PGAP1: variants seen among roughly 807,000 people sequenced by gnomAD.
PGAP1 encodes the protein GPI inositol-deacylase.
PGAP1 carries 76 observed loss-of-function variants against 127.0 expected under a neutral mutation model. The ratio of observed to expected loss-of-function variants is 0.60; its 90% CI spans 0.50 to 0.72. The LOEUF (loss-of-function observed/expected upper bound fraction) is 0.72. PGAP1 is among the 30% of genes least tolerant of loss of function. The probability of loss-of-function intolerance (pLI) is 0.00; values close to 1 mark genes in which losing one functional copy is unlikely to be tolerated. For missense variants in PGAP1, 982 were observed against 1,071.3 expected, an observed-to-expected ratio of 0.92 and a Z score of 1.16; for synonymous variants, 362 against 366.5, an observed-to-expected ratio of 0.99 and a Z score of 0.14.
At chr2:196,916,785 T>C (rs1032711290) in intron 2 of PGAP1, among the ~76,000 whole-genome samples, 192 bp from the exon 3 acceptor site, 1 of 152,194 alleles carries the variant, frequency 6.6e-6, no homozygotes, top group Non-Finnish European at 1.5e-5. Context: ...ATGCAGTAAG[T>C]GTGTCATAAA....
rs1230212454 is a variant in PGAP1, at chr2:196,847,111, A to G, written c.2042T>C (p.Leu681Pro). 1.2e-6 allele frequency: 2 copies of G among 1,613,116 alleles called. No individual in the cohort carries two copies. Among genetic ancestry groups the G allele is most frequent in the Non-Finnish European group, 1.7e-6 (2 of 1,179,384 alleles). The part of the protein sequence containing the change: ...ILTCQSMCFP[L>P]ISLILFLFGT... ...AAACAGAAAGAGAATCAAGGATATCAGGGGGAAACACATACTCTGACAAGT... is the reference window on the plus strand; with the variant it reads ...AAACAGAAAGAGAATCAAGGATATCGGGGGGAAACACATACTCTGACAAGT... Residue 681 changes from leucine to proline, a missense_variant, in exon 22 of 27, where the codon CTG (leucine) becomes CCG (proline). Leu to Pro is a moderately conservative substitution (Grantham distance 98). Transcript: ENST00000354764.
chr2:196,840,320 A>G lies in PGAP1; in HGVS notation c.*914T>C, dbSNP rs575220306. 12 of 152,264 alleles carry G rather than the reference A, an allele frequency of 7.9e-5. No individual in the cohort carries two copies. Among genetic ancestry groups the G allele is most frequent in the African/African-American group, 2.6e-4 (11 of 41,550 alleles). 9.4% of individuals were successfully genotyped at this position (152,264 alleles called of 1,614,324 possible). On this transcript the variant is annotated 3_prime_UTR_variant, in exon 27 of 27. Coordinates refer to ENST00000354764, the MANE Select transcript of PGAP1 (RefSeq NM_024989.4). ...TTGTTGTTGTTTTTTCCCACAGCAG[A>G]AAAAATGGTACAAACCTAGAGTTTC...
chr2:196,916,358 CCT>C, intron 3 of PGAP1, 58 bp downstream of exon 3: 3 of 1,397,322 alleles, frequency 2.1e-6, no homozygotes, highest in Non-Finnish European at 2.8e-6. Flanking sequence ...ATACTGAATC[CCT>C]TTTTTAAAAA....
chr2:196,865,136 C>A, intron 19 of PGAP1, 56 bp from the exon 20 acceptor site: 1 of 969,306 alleles, frequency 1.0e-6, no homozygotes, highest in South Asian at 1.7e-5. Flanking sequence ...AATAAGTGTA[C>A]TTTCACATAA....
chr2:196,894,364 G>T (rs1429133079), intron 7 of PGAP1, among the ~76,000 whole-genome samples: 1 of 152,158 alleles, frequency 6.6e-6, no homozygotes, highest in Non-Finnish European at 1.5e-5. Context: ...TCTAGATACG[G>T]TGTCAGTAGA....
intron 2 of PGAP1, among the ~76,000 whole-genome samples, chr2:196,917,519 C>T (rs1007248323): frequency 1.3e-5 from 2 of 152,136 alleles, no homozygotes; most frequent in Admixed American, 1.3e-4. Flanking sequence ...TTCACTCCTC[C>T]CAAATCCTAG....
chr2:196,915,667 A>G (rs1315333129), intron 3 of PGAP1, among the ~76,000 whole-genome samples: 1 of 152,162 alleles, frequency 6.6e-6, no homozygotes, highest in Non-Finnish European at 1.5e-5. Context: ...ACAATTTCTC[A>G]TCACTTCAAC....
At position 196,902,510 on chromosome 2, in the gene PGAP1, A is replaced by G. The variant is rs576467079; in HGVS notation, c.807+75T>C. On this transcript the variant is annotated intron_variant, in intron 5 of 26. Coordinates refer to ENST00000354764, the MANE Select transcript of PGAP1 (RefSeq NM_024989.4). ...ACTCAGCAGTCATTACCATGCAGCT[A>G]TATATTATTTCTTCTTTCATGCTCC... 8 of 1,271,266 alleles carry G rather than the reference A, an allele frequency of 6.3e-6. No individual in the cohort carries two copies. The Admixed American group carries it at 1.3e-4, about 21-fold the overall frequency. 78.7% of individuals were successfully genotyped at this position (1,271,266 alleles called of 1,614,324 possible). A position where few individuals can be genotyped will look rare whatever the true frequency, so the allele number is the denominator to read the frequency against.
chr2:196,926,097 G>A (rs942559882), intron 1 of PGAP1, among the ~76,000 whole-genome samples: 14 of 152,122 alleles, frequency 9.2e-5, no homozygotes, highest in Admixed American at 2.6e-4. Flanking sequence ...TGGAGCTTCG[G>A]TTTAGGGAGA....
chr2:196,918,677 T>C (rs1313078999), intron 2 of PGAP1, among the ~76,000 whole-genome samples: 1 of 152,170 alleles, frequency 6.6e-6, no homozygotes, highest in Non-Finnish European at 1.5e-5. Context: ...GAAATTACTC[T>C]CTTAACATTA....
At chr2:196,885,331 C>T in intron 12 of PGAP1, 93 bp downstream of exon 12, 1 of 793,840 alleles carries the variant, frequency 1.3e-6, no homozygotes, top group Admixed American at 2.5e-5. Flanking sequence ...TATTTAATAC[C>T]AAGATAAGCT....
At chr2:196,917,629 C>CATG (rs137866135) in intron 2 of PGAP1, among the ~76,000 whole-genome samples, 1,543 of 152,266 alleles carry the variant, frequency 0.01, 23 homozygotes, top group African/African-American at 0.035. Flanking sequence ...TTTCACATAG[C>CATG]ATGTTTTCAA....
rs763003979 is a variant in PGAP1, at chr2:196,890,939, T to C, written c.1090-28A>G. The C allele has an allele frequency of 1.2e-5, 14 of 1,141,918 alleles. No individual in the cohort carries two copies. In the East Asian group the frequency reaches 1.4e-4, roughly 11 times the overall value. The allele number at this position is 1,141,918 out of a possible 1,614,324, so 70.7% of individuals were successfully genotyped here. A position where few individuals can be genotyped will look rare whatever the true frequency, so the allele number is the denominator to read the frequency against. Reference sequence around the variant, plus strand: ...ACAAAAAGAAGGAAAACACTCAATATAGCTGTAATGAGCAGATTAGTTTCA... The same window carrying C: ...ACAAAAAGAAGGAAAACACTCAATACAGCTGTAATGAGCAGATTAGTTTCA... On this transcript the variant is annotated intron_variant, in intron 9 of 26. Transcript: ENST00000354764.
intron 4 of PGAP1, among the ~76,000 whole-genome samples, chr2:196,902,949 A>C (rs1246086646): frequency 2.0e-5 from 3 of 152,204 alleles, no homozygotes; most frequent in African/African-American, 7.2e-5. Context: ...AAGTATAAAT[A>C]CTAAGAGTTA....
intron 6 of PGAP1, among the ~76,000 whole-genome samples, chr2:196,897,462 T>C (rs1191095878): frequency 6.6e-6 from 1 of 152,234 alleles, no homozygotes; most frequent in Non-Finnish European, 1.5e-5. Flanking sequence ...AGCCTAGCCA[T>C]AGATGTACTA....
intron 13 of PGAP1, among the ~76,000 whole-genome samples, chr2:196,879,107 G>A (rs1192767787): frequency 6.6e-6 from 1 of 151,816 alleles, no homozygotes; most frequent in Non-Finnish European, 1.5e-5. Context: ...ATGTTGACCG[G>A]GCTGCAGTAC....
chr2:196,872,945 C>T lies in PGAP1; in HGVS notation c.1619+15G>A. On this transcript the variant is annotated intron_variant, in intron 17 of 26. Transcript: ENST00000354764. ...AAAACACCAAAGTTTAAAGTAAATT[C>T]TTTCAAATACTTACTGTGCAATGGT... 1.1e-6 allele frequency: 1 copy of T among 880,974 alleles called. No individual in the cohort carries two copies. The highest frequency in any genetic ancestry group is 1.8e-6 in the Non-Finnish European group (1 of 553,174). 54.6% of individuals were successfully genotyped at this position (880,974 alleles called of 1,614,324 possible).
At chr2:196,893,273 T>A in intron 7 of PGAP1, 28 bp from the exon 8 acceptor site, 1 of 1,198,922 alleles carries the variant, frequency 8.3e-7, no homozygotes, top group East Asian at 2.4e-5. Flanking sequence ...ACATTCTGTA[T>A]CATTTTGTAT....
In PGAP1 at chr2:196,845,781, C is replaced by G. The variant is rs532275449; in HGVS notation, c.2286+101G>C. ...CCCGTTATGTAACAGAGGGTTACTA[C>G]AGTGTTTATGAGAATTTTTGTTAAC... On this transcript the variant is annotated intron_variant, in intron 23 of 26. Coordinates refer to ENST00000354764, the MANE Select transcript of PGAP1 (RefSeq NM_024989.4). 3.7e-4 allele frequency: 340 copies of G among 913,812 alleles called. No homozygotes were observed. The African/African-American group carries it at 5.4e-3, about 15-fold the overall frequency. The allele number at this position is 913,812 out of a possible 1,614,324, so 56.6% of individuals were successfully genotyped here. A position where few individuals can be genotyped will look rare whatever the true frequency, so the allele number is the denominator to read the frequency against.
Sources: allele counts gnomAD v4.1 joint callset (sites outside exome capture counted in the v4.1 genomes callset), GRCh38; gene constraint gnomAD v4.1.1; transcripts MANE v1.5; gene names NCBI Gene and HGNC (gene_info 2026-07-23, HGNC 2026-07-21).